SLC14A2: variants seen among roughly 807,000 people sequenced by gnomAD.
SLC14A2 encodes the protein solute carrier family 14 member 2.
Under a neutral mutation model 104.6 loss-of-function variants are expected in SLC14A2, and 91 were observed. The observed-to-expected ratio is 0.87, with a 90% CI of 0.73 to 1.04. The LOEUF (loss-of-function observed/expected upper bound fraction) is 1.04. Ranked by LOEUF, SLC14A2 falls within the 50% of genes least tolerant of loss-of-function variation. The probability of loss-of-function intolerance (pLI) is 0.00; values close to 1 mark genes in which losing one functional copy is unlikely to be tolerated. For synonymous variants in SLC14A2, 476 were observed against 466.4 expected (o/e 1.02, Z -0.27); for missense variants, 1,189 against 1,156.0 (o/e 1.03, Z -0.41).
intron 1 of SLC14A2, among the ~76,000 whole-genome samples, chr18:45,310,977 C>A (rs754552505): frequency 6.6e-6 from 1 of 152,164 alleles, no homozygotes; most frequent in African/African-American, 2.4e-5. Flanking sequence ...CTAATCAGAT[C>A]CAGAAGCTGA....
chr18:45,565,250 G>A (rs1050331702), intron 2 of SLC14A2, among the ~76,000 whole-genome samples: 4 of 151,732 alleles, frequency 2.6e-5, no homozygotes, highest in African/African-American at 9.7e-5. Flanking sequence ...TCAGCCTCCC[G>A]AGTAGCTGAG....
chr18:45,382,396 T>A lies in SLC14A2; in HGVS notation c.-124-100837T>A, dbSNP rs1481300578. On this transcript the variant is annotated intron_variant, in intron 1 of 20. Coordinates refer to the SLC14A2 transcript ENST00000586448. ...GCAGTATAATGGGGGTCAAGGACAA[T>A]GGGATTTTATTCTGTTTGAAAATAT... is the stretch of plus-strand genomic sequence containing the variant. 5.3e-5 allele frequency among the ~76,000 whole-genome samples: 8 copies of A among 152,142 alleles called. No individual in the cohort carries two copies. The East Asian group carries it at 9.6e-4, about 18-fold the overall frequency.
chr18:45,487,148 T>C (rs1038397305), intron 2 of SLC14A2, among the ~76,000 whole-genome samples: 2 of 152,190 alleles, frequency 1.3e-5, no homozygotes, highest in African/African-American at 4.8e-5. Context: ...CTGGGCTCCT[T>C]TCTGGAGACT....
chr18:45,500,498 A>G (rs1055994990), intron 2 of SLC14A2, among the ~76,000 whole-genome samples: 9 of 143,802 alleles, frequency 6.3e-5, no homozygotes, highest in Admixed American at 3.0e-4. Context: ...AATGGCGTGA[A>G]CCCGGGAGGC....
chr18:45,313,869 C>A (rs2085102607), intron 1 of SLC14A2, among the ~76,000 whole-genome samples: 1 of 152,162 alleles, frequency 6.6e-6, no homozygotes, highest in Admixed American at 6.5e-5. Context: ...GCTTTCTGTT[C>A]CCTTACCTTC....
chr18:45,547,192 AAAG>A (rs1215525742), intron 2 of SLC14A2, among the ~76,000 whole-genome samples: 3 of 152,202 alleles, frequency 2.0e-5, no homozygotes, highest in African/African-American at 4.8e-5. Flanking sequence ...AAGGAAAAAA[AAAG>A]AAAAACTTTT....
rs781198468 is a variant in SLC14A2 at position 45,663,759 on chromosome 18, ACCTGTCTTGTTTTGCC to A, written c.1352-21_1352-6del. 1.2e-6 allele frequency: 2 copies of A among 1,608,694 alleles called. No individual in the cohort carries two copies. The highest frequency in any genetic ancestry group is 2.2e-5 in the South Asian group (2 of 90,472). ...CAGGTGCGGACTAGGTGGGACACTG[ACCTGTCTTGTTTTGCC>A]CCTGGCTAGGAGGCGGTGGGGAGCA... On this transcript the variant is annotated splice_polypyrimidine_tract_variant and intron_variant, in intron 10 of 19. Coordinates refer to ENST00000255226, the MANE Select transcript of SLC14A2 (RefSeq NM_007163.4).
At chr18:45,478,098 C>T (rs190232817) in intron 1 of SLC14A2, among the ~76,000 whole-genome samples, 1 of 152,292 alleles carries the variant, frequency 6.6e-6, no homozygotes. Context: ...GCTTGAAACC[C>T]AGGGCCCCGG....
rs71177674 is a variant in SLC14A2 at position 45,414,757 on chromosome 18, AATAT to A, written c.-124-68440_-124-68437del. Among the ~76,000 whole-genome samples the A allele has an allele frequency of 6.9e-3, 526 of 75,862 alleles. 9 individuals are homozygous for A. Among genetic ancestry groups the A allele is most frequent in the Middle Eastern group, 0.018 (2 of 110 alleles). 49.8% of individuals were successfully genotyped at this position (75,862 alleles called of 152,430 possible). A position where few individuals can be genotyped will look rare whatever the true frequency, so the allele number is the denominator to read the frequency against. ...AGGCACCGAGCGTAAAAAAAAAAAA[AATAT>A]ATATATATATATATATATATATATA... On this transcript the variant is annotated intron_variant, in intron 1 of 20. Coordinates refer to the SLC14A2 transcript ENST00000586448.
intron 10 of SLC14A2, among the ~76,000 whole-genome samples, chr18:45,658,700 T>C (rs1290128387): frequency 1.3e-5 from 2 of 152,166 alleles, no homozygotes; most frequent in Admixed American, 1.3e-4. Context: ...AGAAGTCACA[T>C]ATGATTTAGG....
chr18:45,400,136 C>T (rs1230355693), intron 1 of SLC14A2, among the ~76,000 whole-genome samples: 1 of 152,200 alleles, frequency 6.6e-6, no homozygotes, highest in African/African-American at 2.4e-5. Context: ...ATCGTACACT[C>T]CTCACACAGA....
In SLC14A2 at chr18:45,682,570, C is replaced by T. The variant is rs763685054; in HGVS notation, c.*51C>T. The T allele has an allele frequency of 6.9e-7, 1 of 1,450,250 alleles. No individual in the cohort carries two copies. The highest frequency in any genetic ancestry group is 1.1e-5 in the South Asian group (1 of 87,384). The allele number at this position is 1,450,250 out of a possible 1,614,324, so 89.8% of individuals were successfully genotyped here. On this transcript the variant is annotated 3_prime_UTR_variant, in exon 20 of 20. Transcript: ENST00000255226. Reference sequence around the variant, plus strand: ...GTAAATTCAGGCTTCAGCACGCCGTCCAGATCCCCAGGATAAGAGACCACT... The same window carrying T: ...GTAAATTCAGGCTTCAGCACGCCGTTCAGATCCCCAGGATAAGAGACCACT...
At chr18:45,276,504 T>C (rs750637962) in intron 1 of SLC14A2, among the ~76,000 whole-genome samples, 5 of 152,136 alleles carry the variant, frequency 3.3e-5, no homozygotes, top group Non-Finnish European at 5.9e-5. Context: ...CTACAGATAA[T>C]AGCAGTCAGA....
At chr18:45,631,186 C>T (rs2045339820) in intron 4 of SLC14A2, among the ~76,000 whole-genome samples, 1 of 152,230 alleles carries the variant, frequency 6.6e-6, no homozygotes, top group African/African-American at 2.4e-5. Context: ...ACTAGCTGAG[C>T]ACCCTCCATG....
intron 1 of SLC14A2, among the ~76,000 whole-genome samples, chr18:45,312,941 G>A (rs969158626): frequency 1.3e-5 from 2 of 152,152 alleles, no homozygotes; most frequent in Admixed American, 6.5e-5. Flanking sequence ...CAGGGAAGCC[G>A]GTTGGCCTCG....
chr18:45,331,363 A>G (rs1187297632), intron 1 of SLC14A2, among the ~76,000 whole-genome samples: 2 of 152,158 alleles, frequency 1.3e-5, no homozygotes, highest in Admixed American at 6.5e-5. Flanking sequence ...CAAAGAAGTA[A>G]CCCTCTCTTT....
At chr18:45,451,324 C>A (rs893382277) in intron 1 of SLC14A2, among the ~76,000 whole-genome samples, 1 of 152,030 alleles carries the variant, frequency 6.6e-6, no homozygotes, top group African/African-American at 2.4e-5. Context: ...ACACTTCCTG[C>A]ATTCTTAATG....
Position 45,643,280 on chromosome 18 carries a change from A to G in SLC14A2, c.1176+99A>G. Reference sequence around the variant, plus strand: ...TCTGGGAAAGGAACATTGAGCGGGTAATGGTAGCTGGTGCTCACACGACAT... The same window carrying G: ...TCTGGGAAAGGAACATTGAGCGGGTGATGGTAGCTGGTGCTCACACGACAT... On this transcript the variant is annotated intron_variant, in intron 9 of 19. Coordinates refer to ENST00000255226, the MANE Select transcript of SLC14A2 (RefSeq NM_007163.4). The G allele has an allele frequency of 5.7e-6, 6 of 1,058,954 alleles. No homozygotes were observed. The South Asian group carries it at 7.6e-5, about 13-fold the overall frequency. The allele number at this position is 1,058,954 out of a possible 1,614,324, so 65.6% of individuals were successfully genotyped here.
intron 1 of SLC14A2, among the ~76,000 whole-genome samples, chr18:45,335,684 T>C (rs2085331478): frequency 6.6e-6 from 1 of 152,202 alleles, no homozygotes; most frequent in Non-Finnish European, 1.5e-5. Flanking sequence ...TTATTTTGAA[T>C]TTTGAAGGCT....
Sources: gnomAD v4.1 joint callset for allele counts (sites outside exome capture counted in the v4.1 genomes callset) on GRCh38, gnomAD v4.1.1 for gene constraint, MANE v1.5 for transcripts, NCBI Gene and HGNC (gene_info 2026-07-23, HGNC 2026-07-21) for gene names.